The following TBC1D15 variants were observed in gnomAD, a reference collection of about 807,000 sequenced individuals.
TBC1D15 encodes GAP for RAB7.
In TBC1D15, 39 loss-of-function variants were observed where a neutral mutation model predicts 95.4. That is an observed-to-expected ratio of 0.41 (90% CI 0.32 to 0.53). The LOEUF is 0.53. Among genes scored for constraint, TBC1D15 ranks in the 20% least tolerant of loss-of-function variants. The probability of loss-of-function intolerance (pLI) is 0.29; values close to 1 mark genes in which losing one functional copy is unlikely to be tolerated. For missense variants in TBC1D15, 733 were observed against 794.3 expected (o/e 0.92, Z 0.93); for synonymous variants, 258 against 261.3 (o/e 0.99, Z 0.12).
chr12:71,856,896 G>A (rs1889208739), intron 1 of TBC1D15, among the ~76,000 whole-genome samples: 1 of 152,066 alleles, frequency 6.6e-6, no homozygotes, highest in Non-Finnish European at 1.5e-5. Flanking sequence ...CCAGAGCAGT[G>A]GAAGAACCTT....
intron 5 of TBC1D15, among the ~76,000 whole-genome samples, chr12:71,891,176 A>G (rs1368846181): frequency 6.6e-6 from 1 of 152,188 alleles, no homozygotes; most frequent in Admixed American, 6.5e-5. Context: ...GAAATATAAA[A>G]TAGTTACTGC....
At chr12:71,881,564 G>A (rs1321061687) in intron 4 of TBC1D15, among the ~76,000 whole-genome samples, 3 of 152,068 alleles carry the variant, frequency 2.0e-5, no homozygotes, top group Admixed American at 6.5e-5. Context: ...GTGTAGCTTA[G>A]CAAAAAACGA....
At chr12:71,845,972 A>G (rs187669350) in intron 1 of TBC1D15, among the ~76,000 whole-genome samples, 51 of 151,878 alleles carry the variant, frequency 3.4e-4, no homozygotes, top group Middle Eastern at 6.8e-3. Context: ...TGTATTGTGA[A>G]ACTTCCTTAT....
intron 1 of TBC1D15, chr12:71,850,305 A>C (rs577089433): frequency 4.4e-6 from 2 of 450,100 alleles, no homozygotes; most frequent in East Asian, 5.6e-5. Flanking sequence ...TATACTGGCT[A>C]GAGTGGTTTG....
In TBC1D15 at chr12:71,880,473, C is replaced by G; in HGVS notation, c.209C>G (p.Ser70Cys). 1 of 1,580,766 alleles carries G rather than the reference C, an allele frequency of 6.3e-7. No homozygotes were observed. The highest frequency in any genetic ancestry group is 8.6e-7 in the Non-Finnish European group (1 of 1,162,664). ...SSSILYARKDSSSVVEWTQAP... is the reference protein window; with the variant it reads ...SSSILYARKDCSSVVEWTQAP... ...TATATGTTATAATTATTTTAGGACT[C>G]CAGTTCAGTTGTAGAATGGACTCAG... Residue 70 changes from serine to cysteine, a missense_variant, in exon 4 of 17, where the codon TCC becomes TGC. Ser to Cys is a moderately radical substitution (Grantham distance 112). Coordinates refer to ENST00000485960, the MANE Select transcript of TBC1D15 (RefSeq NM_001146213.3).
intron 3 of TBC1D15, among the ~76,000 whole-genome samples, chr12:71,875,412 T>C (rs1009125609): frequency 1.3e-5 from 2 of 152,200 alleles, no homozygotes; most frequent in African/African-American, 2.4e-5. Context: ...TTTTTTCTTT[T>C]GTTGCCTGTG....
intron 1 of TBC1D15, 93 bp downstream of exon 1, chr12:71,839,904 C>A: frequency 6.7e-7 from 1 of 1,492,978 alleles, no homozygotes; most frequent in Non-Finnish European, 9.3e-7. Flanking sequence ...ACACGAGGGA[C>A]TTTCTGTGTC....
chr12:71,913,948 A>G lies in TBC1D15; in HGVS notation c.1401+22A>G, dbSNP rs768183758. The G allele has an allele frequency of 6.2e-5, 94 of 1,519,112 alleles. 1 individual carries two copies. The South Asian group carries it at 1.0e-3, about 17-fold the overall frequency. The allele number at this position is 1,519,112 out of a possible 1,614,324, so 94.1% of individuals were successfully genotyped here. Reference sequence around the variant, plus strand: ...AATGGTAAGAACAGAGATTCCTTCCATTAAACTGATTTTTAAAATTTTAGT... The same window carrying G: ...AATGGTAAGAACAGAGATTCCTTCCGTTAAACTGATTTTTAAAATTTTAGT... On this transcript the variant is annotated intron_variant, in intron 12 of 16. Coordinates refer to ENST00000485960, the MANE Select transcript of TBC1D15 (RefSeq NM_001146213.3).
chr12:71,873,113 A>T, intron 3 of TBC1D15, 110 bp downstream of exon 3: 2 of 701,358 alleles, frequency 2.9e-6, no homozygotes, highest in Non-Finnish European at 4.6e-6. Context: ...CATACAATTC[A>T]GTGGTTTTTA....
In TBC1D15 at chr12:71,862,949, G is replaced by A. The variant is rs534350824; in HGVS notation, c.31-9121G>A. Among the ~76,000 whole-genome samples, 722 of 152,232 alleles carry A rather than the reference G, an allele frequency of 4.7e-3. 3 individuals are homozygous for A. The highest frequency in any genetic ancestry group is 6.0e-3 in the Non-Finnish European group (411 of 68,026). On this transcript the variant is annotated intron_variant, in intron 1 of 16. Coordinates refer to ENST00000485960, the MANE Select transcript of TBC1D15 (RefSeq NM_001146213.3). ...AATTCCCTCAGTTTTCACATGTCTG[G>A]AAAAGACTTTTATTTCTCCCTGATT... is the stretch of plus-strand genomic sequence containing the variant.
At chr12:71,892,825 T>C (rs1446877663) in intron 5 of TBC1D15, among the ~76,000 whole-genome samples, 1 of 151,740 alleles carries the variant, frequency 6.6e-6, no homozygotes, top group Non-Finnish European at 1.5e-5. Context: ...TATTATATAC[T>C]GATGACTCCT....
chr12:71,900,963 C>T (rs1899248654), intron 10 of TBC1D15, among the ~76,000 whole-genome samples: 1 of 152,066 alleles, frequency 6.6e-6, no homozygotes, highest in African/African-American at 2.4e-5. Context: ...TAATGGGCAT[C>T]CAGATGGGAA....
At chr12:71,901,288 T>C (rs1444746700) in intron 10 of TBC1D15, among the ~76,000 whole-genome samples, 1 of 152,166 alleles carries the variant, frequency 6.6e-6, no homozygotes, top group East Asian at 1.9e-4. Context: ...TTGCAAAGCA[T>C]TGGGATTATA....
rs767828151 is a variant in TBC1D15, at chr12:71,913,946, C to A, written c.1401+20C>A. On this transcript the variant is annotated intron_variant, in intron 12 of 16. Transcript: ENST00000485960. ...CAAATGGTAAGAACAGAGATTCCTT[C>A]CATTAAACTGATTTTTAAAATTTTA... The A allele has an allele frequency of 6.6e-7, 1 of 1,523,362 alleles. No homozygotes were observed. The highest frequency in any genetic ancestry group is 2.1e-5 in the Admixed American group (1 of 48,630). The allele number at this position is 1,523,362 out of a possible 1,614,324, so 94.4% of individuals were successfully genotyped here.
intron 5 of TBC1D15, among the ~76,000 whole-genome samples, chr12:71,888,859 T>C (rs1248823008): frequency 6.7e-6 from 1 of 149,932 alleles, no homozygotes; most frequent in African/African-American, 2.5e-5. Flanking sequence ...TTTTTTTTTT[T>C]TTCATTTAAT....
intron 1 of TBC1D15, among the ~76,000 whole-genome samples, chr12:71,856,840 T>A (rs539068718): frequency 6.6e-6 from 1 of 152,188 alleles, no homozygotes; most frequent in Non-Finnish European, 1.5e-5. Flanking sequence ...CATTATGTAC[T>A]CTTTGGGCAA....
At chr12:71,890,465 T>C (rs1163314566) in intron 5 of TBC1D15, among the ~76,000 whole-genome samples, 2 of 152,146 alleles carry the variant, frequency 1.3e-5, no homozygotes, top group Non-Finnish European at 2.9e-5. Context: ...TTAAGTTAAA[T>C]TGAGGAATGT....
intron 1 of TBC1D15, chr12:71,861,483 A>G: frequency 1.3e-6 from 2 of 1,537,390 alleles, no homozygotes; most frequent in Non-Finnish European, 1.8e-6. Context: ...TTGTTGGAGT[A>G]TGGTAGGAGT....
intron 10 of TBC1D15, among the ~76,000 whole-genome samples, chr12:71,901,842 C>A (rs909134544): frequency 6.6e-6 from 1 of 152,078 alleles, no homozygotes; most frequent in Non-Finnish European, 1.5e-5. Context: ...TAGAAAACCC[C>A]ATAGTCTCTG....
Sources: gnomAD v4.1 joint callset for allele counts (sites outside exome capture counted in the v4.1 genomes callset) on GRCh38, gnomAD v4.1.1 for gene constraint, MANE v1.5 for transcripts, NCBI Gene and HGNC (gene_info 2026-07-23, HGNC 2026-07-21) for gene names.